ATP6V1A: variants seen among roughly 807,000 people sequenced by gnomAD.
ATP6V1A encodes ATPase H+ transporting V1 subunit A.
Under a neutral mutation model 70.1 loss-of-function variants are expected in ATP6V1A, and 18 were observed. The observed-to-expected ratio is 0.26, with a 90% CI of 0.18 to 0.38. The LOEUF (loss-of-function observed/expected upper bound fraction) is 0.38, where lower values mean the gene tolerates loss of function less well. Among genes scored for constraint, ATP6V1A ranks in the 10% least tolerant of loss-of-function variants. The pLI is 1.00. For synonymous variants in ATP6V1A, 232 were observed against 253.8 expected (o/e 0.91, Z 0.82); for missense variants, 424 against 772.4 (o/e 0.55, Z 5.35).
At chr3:113,757,143 A>T (rs1234492859) in intron 1 of ATP6V1A, among the ~76,000 whole-genome samples, 1 of 152,222 alleles carries the variant, frequency 6.6e-6, no homozygotes, top group Non-Finnish European at 1.5e-5. Context: ...CTTAAAATAC[A>T]GAATCTTCTC....
In ATP6V1A at chr3:113,809,489, C is replaced by G; in HGVS notation, c.*62C>G. 2 of 1,458,208 alleles carry G rather than the reference C, an allele frequency of 1.4e-6. No individual in the cohort carries two copies. The highest frequency in any genetic ancestry group is 1.9e-6 in the Non-Finnish European group (2 of 1,053,506). The allele number at this position is 1,458,208 out of a possible 1,614,324, so 90.3% of individuals were successfully genotyped here. A position where few individuals can be genotyped will look rare whatever the true frequency, so the allele number is the denominator to read the frequency against. On this transcript the variant is annotated 3_prime_UTR_variant, in exon 15 of 15. Coordinates refer to ENST00000273398, the MANE Select transcript of ATP6V1A (RefSeq NM_001690.4). ...CAGCAAGCTCCTATGTGTATATTTT[C>G]CTGAATTTCTCATCTCAAACCCTTT...
At chr3:113,800,193 C>G (rs895752714) in intron 12 of ATP6V1A, among the ~76,000 whole-genome samples, 2 of 150,330 alleles carry the variant, frequency 1.3e-5, no homozygotes, top group Non-Finnish European at 2.9e-5. Context: ...AATCACGCCA[C>G]TGCACTCTAG....
intron 5 of ATP6V1A, 45 bp downstream of exon 5, chr3:113,784,878 A>G (rs776354824): frequency 8.2e-6 from 13 of 1,584,438 alleles, no homozygotes; most frequent in Admixed American, 5.1e-5. Flanking sequence ...CTCTATTTCT[A>G]TATGATAGCT....
At chr3:113,786,079 C>T (rs1709036897) in intron 5 of ATP6V1A, among the ~76,000 whole-genome samples, 153 bp from the exon 6 acceptor site, 1 of 149,480 alleles carries the variant, frequency 6.7e-6, no homozygotes. Flanking sequence ...AAAGCTAAGA[C>T]TATATATAAT....
chr3:113,763,329 C>T (rs952607327), intron 1 of ATP6V1A, among the ~76,000 whole-genome samples: 2 of 152,188 alleles, frequency 1.3e-5, no homozygotes, highest in African/African-American at 2.4e-5. Flanking sequence ...CCTCGTGATC[C>T]GCCCACCTTG....
intron 1 of ATP6V1A, among the ~76,000 whole-genome samples, chr3:113,748,663 A>T (rs981023673): frequency 6.6e-6 from 1 of 152,256 alleles, no homozygotes; most frequent in Non-Finnish European, 1.5e-5. Flanking sequence ...GTATTTTTAT[A>T]GTAAGTGCAA....
At chr3:113,802,062 G>A (rs1709219310) in intron 12 of ATP6V1A, among the ~76,000 whole-genome samples, 1 of 152,130 alleles carries the variant, frequency 6.6e-6, no homozygotes, top group Non-Finnish European at 1.5e-5. Context: ...AAAGCTGCTA[G>A]GGCAATTGTA....
chr3:113,782,165 T>C (rs963617651), intron 3 of ATP6V1A, among the ~76,000 whole-genome samples: 8 of 152,200 alleles, frequency 5.3e-5, no homozygotes, highest in African/African-American at 1.9e-4. Context: ...TGCGTGCAGA[T>C]AACTAGTCTC....
intron 3 of ATP6V1A, among the ~76,000 whole-genome samples, chr3:113,782,835 G>A (rs1337515381): frequency 6.6e-6 from 1 of 151,672 alleles, no homozygotes; most frequent in South Asian, 2.1e-4. Flanking sequence ...TCTTGGCCAG[G>A]CTGGTCTTGA....
intron 5 of ATP6V1A, 97 bp from the exon 6 acceptor site, chr3:113,786,135 C>A: frequency 9.1e-7 from 1 of 1,093,206 alleles, no homozygotes; most frequent in Non-Finnish European, 1.3e-6. Flanking sequence ...TTACATGTAT[C>A]ACCTTCCTAA....
chr3:113,748,110 A>G (rs1708544839), intron 1 of ATP6V1A, among the ~76,000 whole-genome samples: 1 of 152,144 alleles, frequency 6.6e-6, no homozygotes, highest in African/African-American at 2.4e-5. Flanking sequence ...GTTAAGTAGC[A>G]TTTGTATCCC....
intron 1 of ATP6V1A, among the ~76,000 whole-genome samples, chr3:113,772,933 CTTTTTTTTTT>C (rs762901487): frequency 2.0e-4 from 18 of 90,448 alleles, no homozygotes; most frequent in African/African-American, 7.6e-4. Flanking sequence ...TTAATATTGG[CTTTTTTTTTT>C]TTTTTTTTTT....
chr3:113,780,183 A>T (rs1437329087), intron 2 of ATP6V1A, among the ~76,000 whole-genome samples: 1 of 152,240 alleles, frequency 6.6e-6, no homozygotes, highest in African/African-American at 2.4e-5. Flanking sequence ...TTATAGAATG[A>T]ATAAGTCTTC....
intron 1 of ATP6V1A, among the ~76,000 whole-genome samples, chr3:113,750,668 A>G (rs1041195038): frequency 8.5e-5 from 13 of 152,212 alleles, no homozygotes; most frequent in Non-Finnish European, 1.8e-4. Context: ...TCACGTTTAA[A>G]TCTATAGATG....
chr3:113,790,184 T>C (rs1317297465), intron 8 of ATP6V1A, among the ~76,000 whole-genome samples: 1 of 151,478 alleles, frequency 6.6e-6, no homozygotes, highest in Non-Finnish European at 1.5e-5. Flanking sequence ...GACAGGAGAA[T>C]TGCTTGAATC....
At chr3:113,780,284 A>T (rs1401718284) in intron 2 of ATP6V1A, among the ~76,000 whole-genome samples, 1 of 152,218 alleles carries the variant, frequency 6.6e-6, no homozygotes, top group Non-Finnish European at 1.5e-5. Flanking sequence ...GTTGTATCAG[A>T]AGGCTAAATA....
intron 1 of ATP6V1A, among the ~76,000 whole-genome samples, chr3:113,756,819 A>G (rs994092910): frequency 6.6e-6 from 1 of 152,242 alleles, no homozygotes; most frequent in Admixed American, 6.5e-5. Flanking sequence ...AGAGTGTTCA[A>G]ATAGTTAAAT....
intron 2 of ATP6V1A, 82 bp from the exon 3 acceptor site, chr3:113,780,968 T>G (rs1708970717): frequency 1.3e-6 from 2 of 1,491,366 alleles, no homozygotes; most frequent in Non-Finnish European, 9.0e-7. Context: ...AATACTGGGT[T>G]TATTGGGTGT....
At chr3:113,792,857 C>G (rs1345218249) in intron 8 of ATP6V1A, among the ~76,000 whole-genome samples, 1 of 152,100 alleles carries the variant, frequency 6.6e-6, no homozygotes, top group Non-Finnish European at 1.5e-5. Context: ...TACCATGTAC[C>G]CAGCACTTAG....
Sources: allele counts gnomAD v4.1 joint callset (sites outside exome capture counted in the v4.1 genomes callset), GRCh38; gene constraint gnomAD v4.1.1; transcripts MANE v1.5; gene names NCBI Gene and HGNC (gene_info 2026-07-23, HGNC 2026-07-21).